Variants in SPIDR observed in about 807,000 individuals in gnomAD.
SPIDR encodes scaffold protein involved in DNA repair.
A neutral mutation model predicts 104.6 loss-of-function variants in SPIDR; 93 were observed. The observed-to-expected ratio is 0.89, with a 90% CI of 0.75 to 1.06. The LOEUF is 1.06. Ranked by LOEUF, SPIDR falls within the 50% of genes least tolerant of loss-of-function variation. The pLI is 0.00. For synonymous variants in SPIDR, 431 were observed against 416.9 expected, an observed-to-expected ratio of 1.03 and a Z score of -0.41; for missense variants, 1,154 against 1,111.2, an observed-to-expected ratio of 1.04 and a Z score of -0.55.
At chr8:47,300,931 G>T (rs1207577276) in intron 5 of SPIDR, among the ~76,000 whole-genome samples, 3 of 152,160 alleles carry the variant, frequency 2.0e-5, no homozygotes, top group Non-Finnish European at 4.4e-5. Context: ...CTGTTGATTG[G>T]GGGTGGAGAG....
intron 8 of SPIDR, among the ~76,000 whole-genome samples, chr8:47,590,146 C>T (rs2060820533): frequency 6.6e-6 from 1 of 151,364 alleles, no homozygotes; most frequent in South Asian, 2.1e-4. Flanking sequence ...TGCACTCCAG[C>T]CCAGGTGACA....
At chr8:47,582,450 G>A (rs1178941670) in intron 8 of SPIDR, among the ~76,000 whole-genome samples, 1 of 152,174 alleles carries the variant, frequency 6.6e-6, no homozygotes, top group African/African-American at 2.4e-5. Flanking sequence ...CGTTGACAGT[G>A]CTGATAGTGA....
intron 1 of SPIDR, among the ~76,000 whole-genome samples, chr8:47,272,898 A>G (rs945798556): frequency 1.3e-5 from 2 of 152,222 alleles, no homozygotes; most frequent in Admixed American, 1.3e-4. Flanking sequence ...AACTTACCAC[A>G]GTCTACATAT....
chr8:47,562,120 A>G (rs1286278995), intron 8 of SPIDR, among the ~76,000 whole-genome samples: 2 of 152,100 alleles, frequency 1.3e-5, no homozygotes, highest in Non-Finnish European at 2.9e-5. Context: ...ACTTATAATA[A>G]TTTCACCTAG....
At chr8:47,264,897 T>G (rs2154210401) in intron 1 of SPIDR, among the ~76,000 whole-genome samples, 1 of 152,270 alleles carries the variant, frequency 6.6e-6, no homozygotes, top group African/African-American at 2.4e-5. Flanking sequence ...TGAAAGCAAT[T>G]AATAATGAAA....
At chr8:47,330,661 T>G in intron 5 of SPIDR, 1 of 419,428 alleles carries the variant, frequency 2.4e-6, no homozygotes, top group Non-Finnish European at 4.8e-6. Context: ...TATTGAACTT[T>G]CCTCCATGTC....
chr8:47,517,314 C>T (rs2154378849), intron 8 of SPIDR, among the ~76,000 whole-genome samples: 1 of 152,206 alleles, frequency 6.6e-6, no homozygotes, highest in South Asian at 2.1e-4. Context: ...GAAATACCCC[C>T]ACTTAAAAAA....
At chr8:47,537,951 C>T (rs945092596) in intron 8 of SPIDR, among the ~76,000 whole-genome samples, 13 of 151,722 alleles carry the variant, frequency 8.6e-5, no homozygotes, top group African/African-American at 9.7e-5. Context: ...CTGAGGCGGG[C>T]GGATCATTTG....
chr8:47,410,280 C>T (rs782746057), intron 7 of SPIDR, among the ~76,000 whole-genome samples: 3 of 151,750 alleles, frequency 2.0e-5, no homozygotes, highest in Non-Finnish European at 4.4e-5. Flanking sequence ...ATCCTGAGTT[C>T]AAGCGATTCT....
intron 8 of SPIDR, among the ~76,000 whole-genome samples, chr8:47,536,091 T>A (rs1043692174): frequency 7.9e-5 from 12 of 151,158 alleles, no homozygotes; most frequent in Non-Finnish European, 1.5e-4. Flanking sequence ...AATCTAAAAA[T>A]ATATATATAT....
rs190258270 is a variant in SPIDR at position 47,568,024 on chromosome 8, C to T, written c.1098-27787C>T. Among the ~76,000 whole-genome samples the T allele has an allele frequency of 1.9e-3, 282 of 152,168 alleles. 1 individual carries two copies. Among genetic ancestry groups the T allele is most frequent in the African/African-American group, 6.5e-3 (270 of 41,530 alleles). On this transcript the variant is annotated intron_variant, in intron 8 of 19. Transcript: ENST00000297423. Reference sequence around the variant, plus strand: ...ACTCCTGGGCTCAAGCAAACCTCCCCGCCAGCCTCCCAGAGTTCTGGGATT... The same window carrying T: ...ACTCCTGGGCTCAAGCAAACCTCCCTGCCAGCCTCCCAGAGTTCTGGGATT...
rs115868568 is a variant in SPIDR at position 47,395,272 on chromosome 8, C to G, written c.526-1104C>G. Among the ~76,000 whole-genome samples, 783 of 152,146 alleles carry G rather than the reference C, an allele frequency of 5.1e-3. 7 individuals are homozygous for G. The highest frequency in any genetic ancestry group is 0.018 in the African/African-American group (744 of 41,494). On this transcript the variant is annotated intron_variant, in intron 5 of 19. Coordinates refer to ENST00000297423, the MANE Select transcript of SPIDR (RefSeq NM_001080394.4). Reference sequence around the variant, plus strand: ...GCTGAGGCAGGAGAATCACTTCTACCCGAGAAGCAGAAGTAGCAATGAGCC... The same window carrying G: ...GCTGAGGCAGGAGAATCACTTCTACGCGAGAAGCAGAAGTAGCAATGAGCC...
intron 5 of SPIDR, among the ~76,000 whole-genome samples, chr8:47,329,958 A>G (rs1410520274): frequency 6.6e-6 from 1 of 152,196 alleles, no homozygotes; most frequent in African/African-American, 2.4e-5. Context: ...GCAGTTTTTT[A>G]AAATCAGCTA....
intron 1 of SPIDR, among the ~76,000 whole-genome samples, chr8:47,268,149 A>G (rs1049775042): frequency 6.6e-6 from 1 of 152,226 alleles, no homozygotes. Context: ...TCAGTTGACC[A>G]TAAAAGTAAA....
chr8:47,274,072 A>G (rs2035877173), intron 1 of SPIDR, among the ~76,000 whole-genome samples: 1 of 152,180 alleles, frequency 6.6e-6, no homozygotes, highest in South Asian at 2.1e-4. Flanking sequence ...CTTAGGAGTT[A>G]TCAAAGGAAT....
At chr8:47,361,551 C>G (rs1212732836) in intron 5 of SPIDR, among the ~76,000 whole-genome samples, 1 of 152,232 alleles carries the variant, frequency 6.6e-6, no homozygotes, top group African/African-American at 2.4e-5. Context: ...AAAGGATGCT[C>G]CTCCAACCAC....
At chr8:47,510,793 C>G (rs957588624) in intron 8 of SPIDR, among the ~76,000 whole-genome samples, 1 of 152,160 alleles carries the variant, frequency 6.6e-6, no homozygotes, top group African/African-American at 2.4e-5. Flanking sequence ...AATACATCCA[C>G]TACTTGTTTT....
chr8:47,491,611 A>G (rs1224073525), intron 8 of SPIDR, among the ~76,000 whole-genome samples: 2 of 152,144 alleles, frequency 1.3e-5, no homozygotes, highest in Non-Finnish European at 2.9e-5. Flanking sequence ...ACACAAATAC[A>G]GTAAACGTGC....
intron 16 of SPIDR, among the ~76,000 whole-genome samples, chr8:47,715,884 C>A (rs1476034972): frequency 2.6e-5 from 4 of 152,050 alleles, no homozygotes; most frequent in Non-Finnish European, 1.5e-5. Flanking sequence ...CATATGGTAA[C>A]CCTGCATTTT....
Sources: gnomAD v4.1 joint callset for allele counts (sites outside exome capture counted in the v4.1 genomes callset) on GRCh38, gnomAD v4.1.1 for gene constraint, MANE v1.5 for transcripts, NCBI Gene and HGNC (gene_info 2026-07-23, HGNC 2026-07-21) for gene names.